WWOX: variants seen among roughly 807,000 people sequenced by gnomAD.
WWOX encodes the protein WW domain-containing oxidoreductase.
WWOX carries 69 observed loss-of-function variants against 46.2 expected under a neutral mutation model. The ratio of observed to expected loss-of-function variants is 1.49; its 90% CI spans 1.23 to 1.82. The LOEUF is 1.82. Among genes scored for constraint, WWOX ranks in the 40% most tolerant of loss-of-function variants. The pLI, the probability that WWOX is intolerant of heterozygous loss-of-function variation, is 0.00. For missense variants in WWOX, 919 were observed against 542.6 expected, an observed-to-expected ratio of 1.69 and a Z score of -6.89; for synonymous variants, 359 against 202.6, an observed-to-expected ratio of 1.77 and a Z score of -6.56.
intron 8 of WWOX, among the ~76,000 whole-genome samples, chr16:78,831,669 A>T (rs1045881957): frequency 2.0e-5 from 3 of 152,166 alleles, no homozygotes; most frequent in South Asian, 2.1e-4. Flanking sequence ...TCATAATACT[A>T]TTTCCATTGA....
intron 8 of WWOX, among the ~76,000 whole-genome samples, chr16:78,806,624 G>A (rs1009749206): frequency 1.3e-5 from 2 of 152,014 alleles, no homozygotes; most frequent in East Asian, 1.9e-4. Context: ...ACAATATGGC[G>A]GCTGGGTTCC....
chr16:78,305,766 T>G (rs2080124132), intron 5 of WWOX, among the ~76,000 whole-genome samples: 1 of 152,230 alleles, frequency 6.6e-6, no homozygotes, highest in African/African-American at 2.4e-5. Context: ...TAGTTCAAGT[T>G]AGTTTGAAAT....
chr16:78,993,813 G>A (rs12596965), intron 8 of WWOX, among the ~76,000 whole-genome samples: 149,453 of 152,318 alleles, frequency 0.98, 73,403 homozygotes, highest in East Asian at 1. Context: ...GGATGGCATC[G>A]GAACCTGCAA....
At chr16:78,472,836 A>AAAAAAAAT (rs1421843878) in intron 8 of WWOX, among the ~76,000 whole-genome samples, 1 of 135,532 alleles carries the variant, frequency 7.4e-6, no homozygotes, top group Non-Finnish European at 1.6e-5. Flanking sequence ...AAAAAAAAAA[A>AAAAAAAAT]TTATGTCATT....
intron 8 of WWOX, among the ~76,000 whole-genome samples, chr16:78,739,218 C>A (rs758627374): frequency 6.6e-6 from 1 of 152,048 alleles, no homozygotes; most frequent in Non-Finnish European, 1.5e-5. Flanking sequence ...TTGTGTTTGC[C>A]GAATGAAAGT....
intron 8 of WWOX, among the ~76,000 whole-genome samples, chr16:78,668,883 G>T (rs1248840559): frequency 6.6e-6 from 1 of 152,142 alleles, no homozygotes; most frequent in Non-Finnish European, 1.5e-5. Context: ...TCCCTGGCAG[G>T]TTCTCTTCAT....
chr16:78,434,677 G>C (rs1465985649), intron 8 of WWOX, among the ~76,000 whole-genome samples: 1 of 152,146 alleles, frequency 6.6e-6, no homozygotes, highest in Non-Finnish European at 1.5e-5. Context: ...TGGCATCAGA[G>C]AGTTCGTTTT....
chr16:78,327,183 T>A (rs2080643701), intron 5 of WWOX, among the ~76,000 whole-genome samples: 1 of 152,158 alleles, frequency 6.6e-6, no homozygotes, highest in Non-Finnish European at 1.5e-5. Context: ...GTGGCAGCGA[T>A]GGGACCAAAT....
chr16:78,601,178 T>C (rs1031221422), intron 8 of WWOX, among the ~76,000 whole-genome samples: 6 of 152,218 alleles, frequency 3.9e-5, no homozygotes, highest in African/African-American at 1.4e-4. Context: ...GCCACTCATA[T>C]AGAACTCCTT....
At chr16:78,628,899 T>G (rs2046368416) in intron 8 of WWOX, among the ~76,000 whole-genome samples, 2 of 152,124 alleles carry the variant, frequency 1.3e-5, no homozygotes, top group Non-Finnish European at 2.9e-5. Flanking sequence ...CCAGGCCCCC[T>G]CCTCATTGTG....
intron 5 of WWOX, among the ~76,000 whole-genome samples, chr16:78,326,362 T>G (rs1031569981): frequency 2.0e-5 from 3 of 152,190 alleles, no homozygotes; most frequent in Non-Finnish European, 4.4e-5. Flanking sequence ...ATATTCTGTC[T>G]TTTTATATTC....
chr16:78,204,566 C>G (rs2036333852), intron 5 of WWOX, among the ~76,000 whole-genome samples: 2 of 152,250 alleles, frequency 1.3e-5, no homozygotes, highest in East Asian at 1.9e-4. Context: ...CCCCCACTAC[C>G]CTTCCCAGCT....
In WWOX at chr16:79,199,483, G is replaced by A. The variant is rs550957734; in HGVS notation, c.1057-12125G>A. Among the ~76,000 whole-genome samples the A allele has an allele frequency of 3.9e-5, 6 of 152,200 alleles. No homozygotes were observed. In the South Asian group the frequency reaches 8.3e-4, roughly 21 times the overall value. On this transcript the variant is annotated intron_variant, in intron 8 of 8. Transcript: ENST00000566780. ...CGAATCTCTTAGCAGGAGGCCGCCA[G>A]GTGGCACAAAATCAAAACTGCATCA...
intron 4 of WWOX, among the ~76,000 whole-genome samples, chr16:78,118,736 A>G (rs1048724021): frequency 6.6e-6 from 1 of 152,194 alleles, no homozygotes; most frequent in African/African-American, 2.4e-5. Context: ...AGTTCATTGA[A>G]AGTGATATCA....
intron 8 of WWOX, among the ~76,000 whole-genome samples, chr16:78,450,622 T>C (rs944703899): frequency 6.6e-6 from 1 of 151,720 alleles, no homozygotes; most frequent in Non-Finnish European, 1.5e-5. Context: ...AACTTAAACT[T>C]TTTTTGATAT....
chr16:78,135,725 A>G (rs1284311026), intron 4 of WWOX, among the ~76,000 whole-genome samples: 7 of 152,130 alleles, frequency 4.6e-5, no homozygotes, highest in African/African-American at 1.7e-4. Flanking sequence ...CAAAAAAAAC[A>G]CCTTCCACTA....
intron 8 of WWOX, among the ~76,000 whole-genome samples, chr16:79,170,134 A>G (rs1013920060): frequency 4.6e-5 from 7 of 152,336 alleles, no homozygotes; most frequent in South Asian, 2.1e-4. Context: ...AAAAGTTGCT[A>G]TCATGTCCTT....
At chr16:78,943,226 T>G (rs1439707003) in intron 8 of WWOX, among the ~76,000 whole-genome samples, 2 of 151,696 alleles carry the variant, frequency 1.3e-5, no homozygotes, top group South Asian at 2.1e-4. Context: ...TCTTCCTTTT[T>G]CTGTTTAATC....
chr16:78,361,225 T>TG (rs2081404421), intron 5 of WWOX, among the ~76,000 whole-genome samples: 1 of 152,196 alleles, frequency 6.6e-6, no homozygotes, highest in South Asian at 2.1e-4. Context: ...GTGTAAGCAT[T>TG]TTTTGGCAAG....
Sources: gnomAD v4.1 joint callset for allele counts (sites outside exome capture counted in the v4.1 genomes callset) on GRCh38, gnomAD v4.1.1 for gene constraint, MANE v1.5 for transcripts, NCBI Gene and HGNC (gene_info 2026-07-23, HGNC 2026-07-21) for gene names.